DLGAP3: variants seen among roughly 807,000 people sequenced by gnomAD.
DLGAP3 encodes the protein disks large-associated protein 3.
DLGAP3 carries 17 observed loss-of-function variants against 81.2 expected under a neutral mutation model. That is an observed-to-expected ratio of 0.21 (90% CI 0.14 to 0.31). DLGAP3 has a LOEUF of 0.31. Ranked by LOEUF, DLGAP3 falls within the 10% of genes least tolerant of loss-of-function variation. The pLI is 1.00. For synonymous variants in DLGAP3, 577 were observed against 587.4 expected (o/e 0.98, Z 0.26); for missense variants, 1,124 against 1,388.0 (o/e 0.81, Z 3.02).
chr1:34,885,357 A>G, intron 7 of DLGAP3, 121 bp downstream of exon 7: 1 of 1,135,514 alleles, frequency 8.8e-7, no homozygotes, highest in Non-Finnish European at 1.3e-6. Flanking sequence ...CACGGGGTTC[A>G]CTTGCAGCTC....
rs114611247 is a variant in DLGAP3 at position 34,903,284 on chromosome 1, C to T, written c.1107+993G>A. 4.7e-3 allele frequency among the ~76,000 whole-genome samples: 721 copies of T among 152,300 alleles called. 5 individuals are homozygous for T. The highest frequency in any genetic ancestry group is 0.017 in the African/African-American group (697 of 41,556). ...TGCCCAGGGCTCTCCCCTATCACAGCCTCATCACACTGTATTCTATCTGCT... is the reference window on the plus strand; with the variant it reads ...TGCCCAGGGCTCTCCCCTATCACAGTCTCATCACACTGTATTCTATCTGCT... On this transcript the variant is annotated intron_variant, in intron 3 of 11. Transcript: ENST00000373347.
At chr1:34,870,354 C>T (rs576289831) in intron 8 of DLGAP3, among the ~76,000 whole-genome samples, 2 of 152,176 alleles carry the variant, frequency 1.3e-5, no homozygotes, top group Non-Finnish European at 2.9e-5. Flanking sequence ...ATTCAAGGAC[C>T]ACAAAAGAAA....
intron 5 of DLGAP3, among the ~76,000 whole-genome samples, chr1:34,886,842 G>C (rs1350005124): frequency 6.8e-6 from 1 of 147,412 alleles, no homozygotes; most frequent in Non-Finnish European, 1.5e-5. Context: ...ATGTATATAT[G>C]CTATATATAT....
intron 1 of DLGAP3, among the ~76,000 whole-genome samples, chr1:34,911,363 C>A (rs1255209681): frequency 1.3e-5 from 2 of 152,122 alleles, no homozygotes; most frequent in Non-Finnish European, 2.9e-5. Context: ...TTATACCAAG[C>A]CCAAGGTCAG....
chr1:34,893,388 G>T (rs1448185547), intron 5 of DLGAP3, among the ~76,000 whole-genome samples: 1 of 152,196 alleles, frequency 6.6e-6, no homozygotes. Context: ...ACTAATGGAA[G>T]TCCTTCAGGC....
chr1:34,866,073 G>GCCGGA lies in DLGAP3; in HGVS notation c.*5_*9dup. Reference sequence around the variant, plus strand: ...CGCGGGCCCGGGCCGGGCTGGGCGGGCCGGACCGGTCACAGCCTGGTCTGG... The same window carrying GCCGGA: ...CGCGGGCCCGGGCCGGGCTGGGCGGGCCGGACCGGACCGGTCACAGCCTGGTCTGG... On this transcript the variant is annotated 3_prime_UTR_variant, in exon 12 of 12. Coordinates refer to ENST00000373347, the MANE Select transcript of DLGAP3 (RefSeq NM_001080418.3). The GCCGGA allele has an allele frequency of 6.3e-7, 1 of 1,591,058 alleles. No homozygotes were observed. Among genetic ancestry groups the GCCGGA allele is most frequent in the East Asian group, 2.2e-5 (1 of 44,450 alleles).
chr1:34,897,278 A>T (rs956308177), intron 5 of DLGAP3, among the ~76,000 whole-genome samples: 1 of 152,244 alleles, frequency 6.6e-6, no homozygotes, highest in South Asian at 2.1e-4. Flanking sequence ...AGTGCTAAGA[A>T]GAAGGAGAAA....
intron 1 of DLGAP3, among the ~76,000 whole-genome samples, chr1:34,915,750 T>C (rs1208619806): frequency 6.6e-6 from 1 of 152,154 alleles, no homozygotes; most frequent in Non-Finnish European, 1.5e-5. Context: ...TTCAAGGATA[T>C]CTATACCTCT....
At position 34,868,127 on chromosome 1, in the gene DLGAP3, C is replaced by T. The variant is rs1182724880; in HGVS notation, c.2485+478G>A. ...AGACTGTGTCTCCCAGTGGATCTGACTTACAGGAAGGGCCATGCTCTCCCT... is the reference window on the plus strand; with the variant it reads ...AGACTGTGTCTCCCAGTGGATCTGATTTACAGGAAGGGCCATGCTCTCCCT... On this transcript the variant is annotated intron_variant, in intron 9 of 11. Coordinates refer to ENST00000373347, the MANE Select transcript of DLGAP3 (RefSeq NM_001080418.3). This position sits in a 1 kb window ranked among gnomAD's most constrained non-coding sequence, Gnocchi z 7.5. 1.3e-5 allele frequency among the ~76,000 whole-genome samples: 2 copies of T among 152,190 alleles called. No homozygotes were observed. Among genetic ancestry groups the T allele is most frequent in the East Asian group, 3.9e-4 (2 of 5,186 alleles).
At chr1:34,910,199 A>G (rs1474558767) in intron 1 of DLGAP3, among the ~76,000 whole-genome samples, 3 of 152,214 alleles carry the variant, frequency 2.0e-5, no homozygotes, top group African/African-American at 7.2e-5. Flanking sequence ...CTCCAGGTCT[A>G]CATGTGATAA....
chr1:34,866,362 G>A (rs1208340285), intron 11 of DLGAP3, 61 bp from the exon 12 acceptor site: 3 of 1,353,094 alleles, frequency 2.2e-6, no homozygotes, highest in Non-Finnish European at 2.9e-6. Flanking sequence ...CCAGGTGTCC[G>A]CCCCCGCACC....
At chr1:34,917,444 C>T (rs1026161893) in intron 1 of DLGAP3, among the ~76,000 whole-genome samples, 13 of 150,926 alleles carry the variant, frequency 8.6e-5, no homozygotes, top group African/African-American at 3.2e-4. Context: ...ACCTCCCAGG[C>T]TCAAGCAATC....
rs574697377 is a variant in DLGAP3, at chr1:34,895,354, C to A, written c.1386+4315G>T. On this transcript the variant is annotated intron_variant, in intron 5 of 11. Transcript: ENST00000373347. This position sits in a 1 kb window ranked among gnomAD's most constrained non-coding sequence, Gnocchi z 4.5. ...CTGCACTCCTACCTGGGCGACAGAG[C>A]GAGACTGTCTCAAAAAAAAAAAAAA... Among the ~76,000 whole-genome samples the A allele has an allele frequency of 7.1e-6, 1 of 141,776 alleles. No individual in the cohort carries two copies. The allele number at this position is 141,776 out of a possible 152,430, so 93.0% of individuals were successfully genotyped here. A position where few individuals can be genotyped will look rare whatever the true frequency, so the allele number is the denominator to read the frequency against.
At chr1:34,880,990 A>G (rs902836229) in intron 8 of DLGAP3, among the ~76,000 whole-genome samples, 9 of 152,206 alleles carry the variant, frequency 5.9e-5, no homozygotes, top group Non-Finnish European at 1.0e-4. Flanking sequence ...TAAAGAATAG[A>G]TAAGTCTTGT....
chr1:34,919,755 G>C (rs1273367662), intron 1 of DLGAP3, among the ~76,000 whole-genome samples: 1 of 152,040 alleles, frequency 6.6e-6, no homozygotes, highest in East Asian at 1.9e-4. Flanking sequence ...ACTCCAACCT[G>C]GGTGACAGAG....
In DLGAP3 at chr1:34,867,504, A is replaced by G; in HGVS notation, c.2577+32T>C. ...CACACACACACTCTGGGTCACATGT[A>G]TCTGGTAGGATCTACTACTATGGGC... On this transcript the variant is annotated intron_variant, in intron 10 of 11. Coordinates refer to ENST00000373347, the MANE Select transcript of DLGAP3 (RefSeq NM_001080418.3). This position sits in a 1 kb window ranked among gnomAD's most constrained non-coding sequence, Gnocchi z 4.3. 1 of 1,570,706 alleles carries G rather than the reference A, an allele frequency of 6.4e-7. No individual in the cohort carries two copies.
intron 1 of DLGAP3, among the ~76,000 whole-genome samples, chr1:34,923,871 A>C (rs1289064725): frequency 2.6e-5 from 4 of 152,122 alleles, no homozygotes; most frequent in Admixed American, 6.5e-5. Context: ...AGATCCCTAG[A>C]TACCTCTCCC....
At chr1:34,883,668 G>C (rs1639178038) in intron 8 of DLGAP3, among the ~76,000 whole-genome samples, 28 of 150,862 alleles carry the variant, frequency 1.9e-4, no homozygotes, top group African/African-American at 7.0e-4. Flanking sequence ...TAGAAGTCAT[G>C]CAGGCAACCA....
chr1:34,875,408 A>T (rs1272856899), intron 8 of DLGAP3, among the ~76,000 whole-genome samples: 1 of 152,230 alleles, frequency 6.6e-6, no homozygotes, highest in Non-Finnish European at 1.5e-5. Flanking sequence ...TATGTCCCAA[A>T]TATTGCATGT....
Sources: allele counts gnomAD v4.1 joint callset (sites outside exome capture counted in the v4.1 genomes callset), GRCh38; gene constraint gnomAD v4.1.1; non-coding constraint Gnocchi (gnomAD v3.1); transcripts MANE v1.5; gene names NCBI Gene and HGNC (gene_info 2026-07-23, HGNC 2026-07-21).